NPC1L1: variants seen among roughly 807,000 people sequenced by gnomAD.
The protein encoded by NPC1L1 is NPC1-like intracellular cholesterol transporter 1.
Under a neutral mutation model 117.0 loss-of-function variants are expected in NPC1L1, and 98 were observed. The observed-to-expected ratio is 0.84, with a 90% CI of 0.71 to 0.99. The LOEUF (loss-of-function observed/expected upper bound fraction) is 0.99, where lower values mean the gene tolerates loss of function less well. NPC1L1 is among the 50% of genes least tolerant of loss of function. The pLI is 0.00. For missense variants in NPC1L1, 1,540 were observed against 1,710.0 expected, an observed-to-expected ratio of 0.90 and a Z score of 1.75; for synonymous variants, 729 against 727.6, an observed-to-expected ratio of 1.00 and a Z score of -0.03.
chr7:44,535,527 C>G (rs1360569270), intron 5 of NPC1L1, among the ~76,000 whole-genome samples: 2 of 148,460 alleles, frequency 1.3e-5, no homozygotes, highest in African/African-American at 5.0e-5. Flanking sequence ...AAGACCCTGT[C>G]TCAAAAGAAA....
chr7:44,515,707 G>C lies in NPC1L1; in HGVS notation c.3796+96C>G. The C allele has an allele frequency of 2.1e-5, 31 of 1,498,040 alleles. No homozygotes were observed. In the East Asian group the frequency reaches 2.3e-4, roughly 11 times the overall value. 92.8% of individuals were successfully genotyped at this position (1,498,040 alleles called of 1,614,324 possible). ...GGCTTCTGACATCTGCCCATGGCTC[G>C]TTTGCACTTCCTGAGCTTTTGTGGT... On this transcript the variant is annotated intron_variant, in intron 18 of 18. Transcript: ENST00000381160.
chr7:44,537,003 C>T (rs1585149663), intron 2 of NPC1L1, 61 bp from the exon 3 acceptor site: 6 of 1,308,430 alleles, frequency 4.6e-6, no homozygotes, highest in Non-Finnish European at 4.3e-6. Context: ...TCCCTATGGC[C>T]CCTCCCTTCC....
At position 44,541,195 on chromosome 7, in the gene NPC1L1, C is replaced by T. The variant is rs1159708618; in HGVS notation, c.54+11G>A. 1.3e-6 allele frequency: 2 copies of T among 1,549,654 alleles called. No individual in the cohort carries two copies. The highest frequency in any genetic ancestry group is 4.9e-5 in the East Asian group (2 of 40,916). ...GCCGCAGGGGAGGTGGAGCCAAGCC[C>T]TGGGACTCACCAAGCGCAGGAGCAG... On this transcript the variant is annotated intron_variant, in intron 1 of 18. Coordinates refer to ENST00000381160, the MANE Select transcript of NPC1L1 (RefSeq NM_001101648.2).
intron 14 of NPC1L1, 102 bp downstream of exon 14, chr7:44,520,663 C>T: frequency 9.7e-7 from 1 of 1,030,206 alleles, no homozygotes; most frequent in Non-Finnish European, 1.5e-6. Flanking sequence ...AACCTCCTGA[C>T]AAAGGAGGGA....
chr7:44,535,320 C>T (rs531830949), intron 5 of NPC1L1, among the ~76,000 whole-genome samples: 36 of 151,502 alleles, frequency 2.4e-4, no homozygotes, highest in African/African-American at 6.3e-4. Flanking sequence ...GCCGAGATCG[C>T]GCCGTTACAC....
chr7:44,523,357 A>G (rs1801417543), intron 10 of NPC1L1, among the ~76,000 whole-genome samples: 1 of 152,118 alleles, frequency 6.6e-6, no homozygotes, highest in Non-Finnish European at 1.5e-5. Flanking sequence ...CACCGGCCCT[A>G]GTGTAACGAT....
intron 2 of NPC1L1, among the ~76,000 whole-genome samples, chr7:44,537,697 T>C (rs1801944539): frequency 6.6e-6 from 1 of 152,212 alleles, no homozygotes; most frequent in African/African-American, 2.4e-5. Context: ...TTTTCCTGTC[T>C]GTAAAATGGA....
intron 16 of NPC1L1, among the ~76,000 whole-genome samples, chr7:44,516,463 G>A (rs1301322221): frequency 6.6e-6 from 1 of 151,422 alleles, no homozygotes; most frequent in African/African-American, 2.4e-5. Context: ...AATATTAGCT[G>A]GACGCAGTGG....
intron 18 of NPC1L1, 123 bp downstream of exon 18, chr7:44,515,680 C>T (rs1210263264): frequency 1.7e-5 from 20 of 1,192,574 alleles, no homozygotes; most frequent in Non-Finnish European, 2.4e-5. Context: ...GGTCATAGTC[C>T]TGGCTTCTGA....
chr7:44,540,609 A>G (rs1045165168), intron 1 of NPC1L1, among the ~76,000 whole-genome samples: 1 of 152,058 alleles, frequency 6.6e-6, no homozygotes, highest in Non-Finnish European at 1.5e-5. Flanking sequence ...TAAGGAGGCA[A>G]AGCTGACTCC....
rs1356664812 is a variant in NPC1L1 at position 44,539,274 on chromosome 7, G to A, written c.1123C>T (p.Leu375Phe). The A allele has an allele frequency of 1.2e-6, 2 of 1,613,992 alleles. No individual in the cohort carries two copies. The highest frequency in any genetic ancestry group is 2.7e-5 in the African/African-American group (2 of 74,934). Residue 375 changes from leucine (L) to phenylalanine (F), a missense_variant, in exon 2 of 19, where the codon CTC becomes TTC. Leu to Phe is a conservative substitution (Grantham distance 22). Transcript: ENST00000381160. This position sits in a 1 kb window ranked among gnomAD's most constrained non-coding sequence, Gnocchi z 4.4. ...ALAAGLVFTE[L>F]TTDPVELWSA... is the part of the protein sequence containing the mutation. ...CACAGCTCCACGGGGTCCGTAGTGA[G>A]TTCTGTAAAGACCAGGCCCGCTGCC...
rs945392389 is a variant in NPC1L1 at position 44,528,110 on chromosome 7, C to T, written c.2637+3645G>A. Reference sequence around the variant, plus strand: ...CTGGGATTGCAGCCATGAGCCACTACACCCAGCTGAAAAATAAAATTTTTT... The same window carrying T: ...CTGGGATTGCAGCCATGAGCCACTATACCCAGCTGAAAAATAAAATTTTTT... On this transcript the variant is annotated intron_variant, in intron 10 of 18. Transcript: ENST00000381160. 4.6e-5 allele frequency among the ~76,000 whole-genome samples: 7 copies of T among 152,230 alleles called. No individual in the cohort carries two copies. The South Asian group carries it at 1.5e-3, about 32-fold the overall frequency.
At chr7:44,523,256 A>G (rs1432131113) in intron 10 of NPC1L1, among the ~76,000 whole-genome samples, 2 of 152,026 alleles carry the variant, frequency 1.3e-5, no homozygotes, top group Non-Finnish European at 2.9e-5. Flanking sequence ...GGGTTTCACC[A>G]TGTTGGCCAG....
chr7:44,524,745 A>G (rs550557757), intron 10 of NPC1L1, among the ~76,000 whole-genome samples: 163 of 152,280 alleles, frequency 1.1e-3, no homozygotes, highest in Middle Eastern at 6.8e-3. Context: ...CTCTGTCTCA[A>G]AAAATAAATA....
rs1384270447 is a variant in NPC1L1, at chr7:44,536,507, C to A, written c.1682-79G>T. ...TCCAGCTGCACCCCTATATTCCCTC[C>A]CCCTATCTAGCTGCACCCCTCCCAT... On this transcript the variant is annotated intron_variant, in intron 3 of 18. Transcript: ENST00000381160. This position sits in a 1 kb window ranked among gnomAD's most constrained non-coding sequence, Gnocchi z 4.7. 3 of 1,488,534 alleles carry A rather than the reference C, an allele frequency of 2.0e-6. No homozygotes were observed. The highest frequency in any genetic ancestry group is 1.9e-6 in the Non-Finnish European group (2 of 1,079,452). The allele number at this position is 1,488,534 out of a possible 1,614,324, so 92.2% of individuals were successfully genotyped here. A position where few individuals can be genotyped will look rare whatever the true frequency, so the allele number is the denominator to read the frequency against.
rs770500729 is a variant in NPC1L1, at chr7:44,515,834, C to G, written c.3765G>C (p.Leu1255Phe). Residue 1255 changes from leucine to phenylalanine, a missense_variant, in exon 18 of 19, where the codon TTG becomes TTC. Leu to Phe is a conservative substitution (Grantham distance 22). Transcript: ENST00000381160. Reference sequence around the variant, plus strand: ...AGCTGAGGATGACGGGCAGGAAGACCAAGCCATGCAGCAGGCCCAGCAGAG... The same window carrying G: ...AGCTGAGGATGACGGGCAGGAAGACGAAGCCATGCAGCAGGCCCAGCAGAG... ...LITLLGLLHG[L>F]VFLPVILSYV... 2 of 1,613,996 alleles carry G rather than the reference C, an allele frequency of 1.2e-6. No homozygotes were observed. Among genetic ancestry groups the G allele is most frequent in the African/African-American group, 2.7e-5 (2 of 74,890 alleles).
chr7:44,533,118 AG>A (rs1193737242), intron 8 of NPC1L1: 2 of 299,030 alleles, frequency 6.7e-6, no homozygotes, highest in South Asian at 3.2e-5. Context: ...AAAAAAAAAA[AG>A]TTACATGCAG....
At chr7:44,523,681 T>G (rs1401959977) in intron 10 of NPC1L1, among the ~76,000 whole-genome samples, 1 of 151,986 alleles carries the variant, frequency 6.6e-6, no homozygotes, top group Non-Finnish European at 1.5e-5. Flanking sequence ...TCTGGGCACA[T>G]AGCGACACCC....
chr7:44,517,031 C>T, intron 15 of NPC1L1, 97 bp from the exon 16 acceptor site: 1 of 1,453,698 alleles, frequency 6.9e-7, no homozygotes, highest in Non-Finnish European at 9.6e-7. Context: ...GAGGGTCAGG[C>T]AGGCTTATAT....
Sources: gnomAD v4.1 joint callset for allele counts (sites outside exome capture counted in the v4.1 genomes callset) on GRCh38, gnomAD v4.1.1 for gene constraint, Gnocchi (gnomAD v3.1) non-coding constraint, MANE v1.5 for transcripts, NCBI Gene and HGNC (gene_info 2026-07-23, HGNC 2026-07-21) for gene names.